Variants in DOCK6 observed in about 807,000 individuals in gnomAD.
DOCK6 encodes dedicator of cytokinesis 6, also known as dedicator of cytokinesis protein 6.
Under a neutral mutation model 230.3 loss-of-function variants are expected in DOCK6, and 167 were observed. That is an observed-to-expected ratio of 0.73 (90% CI 0.64 to 0.82). DOCK6 has a LOEUF of 0.82. Ranked by LOEUF, DOCK6 falls within the 40% of genes least tolerant of loss-of-function variation. The probability of loss-of-function intolerance (pLI) is 0.00; values close to 1 mark genes in which losing one functional copy is unlikely to be tolerated. For synonymous variants in DOCK6, 1,148 were observed against 1,185.0 expected, an observed-to-expected ratio of 0.97 and a Z score of 0.64; for missense variants, 2,598 against 2,825.8, an observed-to-expected ratio of 0.92 and a Z score of 1.83.
At chr19:11,225,526 C>A (rs1046521643) in intron 24 of DOCK6, among the ~76,000 whole-genome samples, 1 of 151,940 alleles carries the variant, frequency 6.6e-6, no homozygotes, top group African/African-American at 2.4e-5. Context: ...TCTCTACACA[C>A]ACACACACAC....
chr19:11,217,099 G>A lies in DOCK6; in HGVS notation c.3712-3C>T, dbSNP rs751754114. On this transcript the variant is annotated splice_polypyrimidine_tract_variant and splice_region_variant and intron_variant, in intron 29 of 47. Coordinates refer to ENST00000294618, the MANE Select transcript of DOCK6 (RefSeq NM_020812.4). ...AGGGCACAGCCTGCGCGAGAAGCCT[G>A]GGGCCAGAGAGGAATCAAAGTCAAT... is the stretch of plus-strand genomic sequence containing the variant. 3.8e-5 allele frequency: 61 copies of A among 1,609,848 alleles called. No homozygotes were observed. Among genetic ancestry groups the A allele is most frequent in the Admixed American group, 8.5e-5 (5 of 58,968 alleles).
rs1377296828 is a variant in DOCK6, at chr19:11,237,382, A to G, written c.2073+74T>C. The stretch of plus-strand genomic sequence containing the variant: ...GGATAACAAGCCTCCCAGGATTGAC[A>G]GGAAGGAAGGCAGGTGACTCGGGAG... On this transcript the variant is annotated intron_variant, in intron 18 of 47. Transcript: ENST00000294618. 4 of 1,554,724 alleles carry G rather than the reference A, an allele frequency of 2.6e-6. No homozygotes were observed. The East Asian group carries it at 9.0e-5, about 35-fold the overall frequency.
intron 41 of DOCK6, chr19:11,203,796 C>T (rs1033070989): frequency 1.1e-5 from 6 of 549,388 alleles, no homozygotes; most frequent in Middle Eastern, 4.7e-4. Context: ...AGAGTCACCC[C>T]GCCACCCCCC....
Position 11,227,574 on chromosome 19 carries a change from T to A in DOCK6, c.2815-97A>T. The A allele has an allele frequency of 2.1e-6, 3 of 1,437,938 alleles. No homozygotes were observed. In the South Asian group the frequency reaches 4.0e-5, roughly 19 times the overall value. 89.1% of individuals were successfully genotyped at this position (1,437,938 alleles called of 1,614,324 possible). On this transcript the variant is annotated intron_variant, in intron 23 of 47. Transcript: ENST00000294618. ...GGGCTTGAAGGGCTGTGGGTGGGGC[T>A]TGAAGGACTGTGGGTGGGGCTTGAA...
intron 15 of DOCK6, 26 bp downstream of exon 15, chr19:11,238,161 C>T (rs781548246): frequency 1.2e-6 from 2 of 1,613,854 alleles, no homozygotes; most frequent in Non-Finnish European, 1.7e-6. Flanking sequence ...TGCCCTACCC[C>T]CCTTCCCTGG....
At position 11,201,612 on chromosome 19, in the gene DOCK6, G is replaced by A. The variant is rs1833667157; in HGVS notation, c.5688+277C>T. On this transcript the variant is annotated intron_variant, in intron 44 of 47. Transcript: ENST00000294618. This position sits in a 1 kb window ranked among gnomAD's most constrained non-coding sequence, Gnocchi z 4.3. ...CACCTCTCCTCCCTGGGCCTTCCTA[G>A]ATCTGGGCTCCCTCTGCCTCCTCTT... 1.3e-5 allele frequency among the ~76,000 whole-genome samples: 2 copies of A among 151,902 alleles called. No individual in the cohort carries two copies. The highest frequency in any genetic ancestry group is 4.8e-5 in the African/African-American group (2 of 41,342).
In DOCK6 at chr19:11,243,346, G is replaced by A. The variant is rs1212407640; in HGVS notation, c.1298C>T (p.Pro433Leu). 3.1e-6 allele frequency: 5 copies of A among 1,599,356 alleles called. No homozygotes were observed. Among genetic ancestry groups the A allele is most frequent in the Non-Finnish European group, 4.3e-6 (5 of 1,173,784 alleles). ...GTCCCCACTACTCGCCCGGTCCTGGGGCCCCCGACGGCGGCGGTCTGTCCA... is the reference window on the plus strand; with the variant it reads ...GTCCCCACTACTCGCCCGGTCCTGGAGCCCCCGACGGCGGCGGTCTGTCCA... The part of the protein sequence containing the change: ...PAWTDRRRRG[P>L]QDRASSGDDA... Residue 433 changes from proline to leucine, a missense_variant, in exon 12 of 48, where the codon CCC becomes CTC. By Grantham distance (98) the Pro-to-Leu change is moderately conservative. Transcript: ENST00000294618. This position sits in a 1 kb window ranked among gnomAD's most constrained non-coding sequence, Gnocchi z 6.3.
chr19:11,252,269 G>A, intron 4 of DOCK6, 21 bp from the exon 5 acceptor site: 1 of 1,577,752 alleles, frequency 6.3e-7, no homozygotes, highest in African/African-American at 1.3e-5. Flanking sequence ...ACGGGGCTGG[G>A]CAGGTAGGGA....
At position 11,238,295 on chromosome 19, in the gene DOCK6, C is replaced by T. The variant is rs773171199; in HGVS notation, c.1653G>A (p.Leu551=). The T allele has an allele frequency of 6.2e-6, 10 of 1,607,432 alleles. No homozygotes were observed. Among genetic ancestry groups the T allele is most frequent in the Non-Finnish European group, 7.6e-6 (9 of 1,177,132 alleles). The change falls in exon 15 of 48, where the codon CTG becomes CTA. Residue 551 remains leucine (L), a synonymous_variant. Transcript: ENST00000294618. ...AGTTGAGGCTGTGCGGGTACACGTA[C>T]AGCAGGTTCCTGTGGGGGGCAGGAT... ...YAPHTSYRNL[L]YVYPHSLNFS... is the part of the protein sequence containing the mutation.
intron 21 of DOCK6, among the ~76,000 whole-genome samples, chr19:11,234,207 C>A (rs906833300): frequency 1.3e-5 from 2 of 151,704 alleles, no homozygotes; most frequent in Non-Finnish European, 2.9e-5. Flanking sequence ...ACCATGTTGG[C>A]CAGGATGGTC....
chr19:11,203,786 A>G (rs778264880), intron 41 of DOCK6: 31 of 543,200 alleles, frequency 5.7e-5, no homozygotes, highest in Non-Finnish European at 9.8e-5. Context: ...GAGGGAGTCA[A>G]GAGTCACCCC....
intron 32 of DOCK6, among the ~76,000 whole-genome samples, chr19:11,214,965 T>G (rs957471341): frequency 3.0e-4 from 43 of 142,852 alleles, no homozygotes; most frequent in African/African-American, 1.1e-3. Context: ...TTTTTTGAGA[T>G]GGAGTCTCGC....
In DOCK6 at chr19:11,243,547, G is replaced by A; in HGVS notation, c.1258+10C>T. ...GCCCCGCCCCAAGCCTGTTAGCCCCGCCTCCTCACCGCCCTCCGAGTCAGA... is the reference window on the plus strand; with the variant it reads ...GCCCCGCCCCAAGCCTGTTAGCCCCACCTCCTCACCGCCCTCCGAGTCAGA... On this transcript the variant is annotated intron_variant, in intron 11 of 47. Coordinates refer to ENST00000294618, the MANE Select transcript of DOCK6 (RefSeq NM_020812.4). This position sits in a 1 kb window ranked among gnomAD's most constrained non-coding sequence, Gnocchi z 6.3. 1.3e-6 allele frequency: 2 copies of A among 1,582,432 alleles called. No homozygotes were observed. The highest frequency in any genetic ancestry group is 1.7e-6 in the Non-Finnish European group (2 of 1,165,922).
intron 1 of DOCK6, among the ~76,000 whole-genome samples, chr19:11,261,071 CCTCCTCTGCTGAGAA>C (rs1409106389): frequency 1.3e-5 from 2 of 151,868 alleles, no homozygotes; most frequent in Non-Finnish European, 2.9e-5. Context: ...AAGTCTCATC[CCTCCTCTGCTGAGAA>C]CTCCCCATGG....
chr19:11,222,343 G>C lies in DOCK6; in HGVS notation c.3241-95C>G, dbSNP rs565684628. The stretch of plus-strand genomic sequence containing the variant: ...CATCTTGGAGGTGACAGAAATCATG[G>C]TGCCAATAGCCACAGATGAAAGACT... On this transcript the variant is annotated intron_variant, in intron 26 of 47. Coordinates refer to ENST00000294618, the MANE Select transcript of DOCK6 (RefSeq NM_020812.4). The surrounding 1 kb of genome is among the most constrained non-coding windows in gnomAD (Gnocchi z 4.0). 6.8e-7 allele frequency: 1 copy of C among 1,469,836 alleles called. No homozygotes were observed. Among genetic ancestry groups the C allele is most frequent in the South Asian group, 1.3e-5 (1 of 77,700 alleles). The allele number at this position is 1,469,836 out of a possible 1,614,324, so 91.0% of individuals were successfully genotyped here.
intron 39 of DOCK6, among the ~76,000 whole-genome samples, chr19:11,205,365 C>G (rs951294492): frequency 2.0e-5 from 3 of 152,002 alleles, no homozygotes; most frequent in African/African-American, 7.2e-5. Context: ...TAACCCCACC[C>G]GTGTATTTTT....
At chr19:11,253,009 G>A (rs1039117859) in intron 2 of DOCK6, 51 bp from the exon 3 acceptor site, 3 of 1,535,468 alleles carry the variant, frequency 2.0e-6, no homozygotes, top group South Asian at 2.4e-5. Flanking sequence ...GGCTGAGAGT[G>A]GGGGCACGAG....
chr19:11,220,145 G>T, intron 28 of DOCK6, among the ~76,000 whole-genome samples: 1 of 151,916 alleles, frequency 6.6e-6, no homozygotes, highest in East Asian at 1.9e-4. Context: ...GGACAGACAG[G>T]GTTTTACCAT....
intron 21 of DOCK6, among the ~76,000 whole-genome samples, chr19:11,234,953 T>A (rs1266417197): frequency 2.6e-5 from 4 of 152,074 alleles, no homozygotes; most frequent in South Asian, 2.1e-4. Flanking sequence ...TCTTATTTTT[T>A]TTTTTTTGAA....
Sources: gnomAD v4.1 joint callset for allele counts (sites outside exome capture counted in the v4.1 genomes callset) on GRCh38, gnomAD v4.1.1 for gene constraint, Gnocchi (gnomAD v3.1) non-coding constraint, MANE v1.5 for transcripts, NCBI Gene and HGNC (gene_info 2026-07-23, HGNC 2026-07-21) for gene names.